The following GRIK2 variants were observed in gnomAD, a reference collection of about 807,000 sequenced individuals.
GRIK2 encodes the protein glutamate receptor ionotropic, kainate 2.
Under a neutral mutation model 100.3 loss-of-function variants are expected in GRIK2, and 32 were observed. That is an observed-to-expected ratio of 0.32 (90% confidence interval 0.24 to 0.43). GRIK2 has a LOEUF of 0.43. Ranked by LOEUF, GRIK2 falls within the 20% of genes least tolerant of loss-of-function variation. The pLI, the probability that GRIK2 is intolerant of heterozygous loss-of-function variation, is 1.00. For missense variants in GRIK2, 843 were observed against 1,114.9 expected, an observed-to-expected ratio of 0.76 and a Z score of 3.47; for synonymous variants, 417 against 389.4, an observed-to-expected ratio of 1.07 and a Z score of -0.83.
chr6:101,540,137 T>A (rs991645843), intron 2 of GRIK2, among the ~76,000 whole-genome samples: 2 of 151,864 alleles, frequency 1.3e-5, no homozygotes. Context: ...GTCAAAGCTG[T>A]GGTTTATGAA....
intron 14 of GRIK2, among the ~76,000 whole-genome samples, chr6:101,978,300 C>A (rs936189443): frequency 6.6e-6 from 1 of 151,850 alleles, no homozygotes; most frequent in Non-Finnish European, 1.5e-5. Context: ...TTATACATTT[C>A]TATATGTAAT....
chr6:101,726,572 A>G (rs1583029539), intron 7 of GRIK2, among the ~76,000 whole-genome samples: 1 of 151,988 alleles, frequency 6.6e-6, no homozygotes. Context: ...TGATTAGAGT[A>G]CCTACACATG....
chr6:101,408,114 C>T (rs917839680), intron 2 of GRIK2, among the ~76,000 whole-genome samples: 1 of 152,060 alleles, frequency 6.6e-6, no homozygotes, highest in African/African-American at 2.4e-5. Context: ...CTGTGTGTAG[C>T]CACTGGAAAG....
intron 4 of GRIK2, among the ~76,000 whole-genome samples, chr6:101,651,798 G>T (rs1055033193): frequency 1.3e-5 from 2 of 152,162 alleles, no homozygotes; most frequent in Non-Finnish European, 1.5e-5. Context: ...TTGGATATAG[G>T]TGTCTGAAGA....
At chr6:101,444,077 G>T (rs558249780) in intron 2 of GRIK2, among the ~76,000 whole-genome samples, 34 of 134,708 alleles carry the variant, frequency 2.5e-4, no homozygotes, top group African/African-American at 8.0e-4. Flanking sequence ...TTTTTTGTTT[G>T]TTTGTTTGTT....
intron 8 of GRIK2, 51 bp from the exon 9 acceptor site, chr6:101,802,280 T>C: frequency 1.5e-6 from 1 of 687,278 alleles, no homozygotes; most frequent in African/African-American, 1.8e-5. Flanking sequence ...AAAAAATGTT[T>C]ATTCCATCTT....
At chr6:101,493,647 G>C (rs897256789) in intron 2 of GRIK2, among the ~76,000 whole-genome samples, 2 of 151,764 alleles carry the variant, frequency 1.3e-5, no homozygotes, top group Middle Eastern at 3.2e-3. Context: ...CTTCAAACAA[G>C]GTCAGGAATA....
intron 11 of GRIK2, among the ~76,000 whole-genome samples, chr6:101,877,017 A>G (rs767393944): frequency 6.6e-6 from 1 of 151,962 alleles, no homozygotes; most frequent in Non-Finnish European, 1.5e-5. Context: ...AAATAATAAT[A>G]CTAGCATTCT....
chr6:101,543,858 A>G (rs902332554), intron 2 of GRIK2, among the ~76,000 whole-genome samples: 1 of 152,214 alleles, frequency 6.6e-6, no homozygotes, highest in East Asian at 1.9e-4. Flanking sequence ...ATAAATTGTC[A>G]ATTACAGAGA....
intron 7 of GRIK2, among the ~76,000 whole-genome samples, chr6:101,720,931 G>A (rs951351669): frequency 1.3e-5 from 2 of 151,880 alleles, no homozygotes; most frequent in Non-Finnish European, 2.9e-5. Flanking sequence ...TTATTTTGAT[G>A]TCTAGGTTCC....
chr6:101,546,817 T>TAC (rs1776257883), intron 2 of GRIK2, among the ~76,000 whole-genome samples: 1 of 140,120 alleles, frequency 7.1e-6, no homozygotes, highest in African/African-American at 2.7e-5. Flanking sequence ...ATGTTTTTGT[T>TAC]TCTTTTTTTT....
At chr6:101,877,246 G>A (rs908792357) in intron 11 of GRIK2, among the ~76,000 whole-genome samples, 4 of 151,890 alleles carry the variant, frequency 2.6e-5, no homozygotes, top group African/African-American at 9.7e-5. Context: ...TGGCCAGTTG[G>A]CCCTCTTTAT....
chr6:101,902,640 G>A (rs1787924070), intron 12 of GRIK2, among the ~76,000 whole-genome samples: 1 of 151,630 alleles, frequency 6.6e-6, no homozygotes, highest in African/African-American at 2.4e-5. Context: ...GAATATTAAT[G>A]TTTTCTTAAT....
At chr6:101,524,468 TA>T (rs1357496560) in intron 2 of GRIK2, among the ~76,000 whole-genome samples, 10 of 152,088 alleles carry the variant, frequency 6.6e-5, no homozygotes, top group African/African-American at 2.4e-4. Context: ...AACTCAAGTT[TA>T]TTCACTATAG....
At chr6:101,494,032 A>AATTT (rs1336272781) in intron 2 of GRIK2, among the ~76,000 whole-genome samples, 2 of 82,088 alleles carry the variant, frequency 2.4e-5, no homozygotes, top group South Asian at 1.2e-3. Context: ...TTATATATAT[A>AATTT]ATTTATTATA....
intron 7 of GRIK2, among the ~76,000 whole-genome samples, chr6:101,728,914 G>A (rs1035410240): frequency 6.6e-6 from 1 of 151,958 alleles, no homozygotes; most frequent in African/African-American, 2.4e-5. Flanking sequence ...GGTGTCTTAT[G>A]GCTTTGGTTG....
At chr6:101,848,897 C>T (rs1783956649) in intron 10 of GRIK2, among the ~76,000 whole-genome samples, 1 of 151,880 alleles carries the variant, frequency 6.6e-6, no homozygotes, top group Non-Finnish European at 1.5e-5. Flanking sequence ...GAAAATCTTC[C>T]TTTATTCTGC....
chr6:101,815,392 A>G (rs569331323), intron 9 of GRIK2, among the ~76,000 whole-genome samples: 32 of 152,202 alleles, frequency 2.1e-4, no homozygotes, highest in South Asian at 4.1e-4. Context: ...ATAATTTTCT[A>G]TAGCTCCTTA....
In GRIK2 at chr6:101,838,650, A is replaced by G. The variant is rs537315959; in HGVS notation, c.1317+20167A>G. 4.2e-5 allele frequency among the ~76,000 whole-genome samples: 6 copies of G among 142,886 alleles called. No homozygotes were observed. The East Asian group carries it at 1.4e-3, about 33-fold the overall frequency. 93.7% of individuals were successfully genotyped at this position (142,886 alleles called of 152,430 possible). ...ACCCTCTTTTTTTCACTCTATTAAT[A>G]CAACTTTTTTTTTTTTTTGAGACGG... On this transcript the variant is annotated intron_variant, in intron 10 of 16. Transcript: ENST00000369134.
Sources: allele counts gnomAD v4.1 joint callset (sites outside exome capture counted in the v4.1 genomes callset), GRCh38; gene constraint gnomAD v4.1.1; transcripts MANE v1.5; gene names NCBI Gene and HGNC (gene_info 2026-07-23, HGNC 2026-07-21).